DMRT3: variants seen among roughly 807,000 people sequenced by gnomAD.
The protein encoded by DMRT3 is doublesex- and mab-3-related transcription factor 3.
In DMRT3, 29 loss-of-function variants were observed where a neutral mutation model predicts 34.9. The observed-to-expected ratio is 0.83, with a 90% confidence interval of 0.62 to 1.13. DMRT3 has a LOEUF of 1.13. DMRT3 is among the 50% of genes most tolerant of loss of function. The pLI is 0.00. For missense variants in DMRT3, 772 were observed against 629.1 expected, an observed-to-expected ratio of 1.23 and a Z score of -2.43; for synonymous variants, 350 against 286.0, an observed-to-expected ratio of 1.22 and a Z score of -2.26.
intron 1 of DMRT3, among the ~76,000 whole-genome samples, chr9:981,781 G>C (rs1339117077): frequency 6.6e-6 from 1 of 152,264 alleles, no homozygotes; most frequent in African/African-American, 2.4e-5. Flanking sequence ...CCTTGCACCA[G>C]GGGGTCGGAG....
rs970730599 is a variant in DMRT3 at position 991,126 on chromosome 9, T to G, written c.*121T>G. ...TTCTGTTTGACAAAGTGACTGTGCT[T>G]GATTCTATACATTAGCAATAAAAAC... On this transcript the variant is annotated 3_prime_UTR_variant, in exon 2 of 2. Transcript: ENST00000190165. 1.9e-5 allele frequency: 25 copies of G among 1,310,488 alleles called. No homozygotes were observed. The African/African-American group carries it at 3.1e-4, about 16-fold the overall frequency. 81.2% of individuals were successfully genotyped at this position (1,310,488 alleles called of 1,614,324 possible).
chr9:978,590 G>A (rs1210608942), intron 1 of DMRT3, among the ~76,000 whole-genome samples: 1 of 152,174 alleles, frequency 6.6e-6, no homozygotes, highest in Non-Finnish European at 1.5e-5. Flanking sequence ...AGGCTTTCAG[G>A]AGCCCAGGAC....
At chr9:986,890 C>CAGA (rs1554604462) in intron 1 of DMRT3, among the ~76,000 whole-genome samples, 1 of 138,760 alleles carries the variant, frequency 7.2e-6, no homozygotes, top group African/African-American at 2.7e-5. Flanking sequence ...GACTCTGTCT[C>CAGA]AAAAAAAAAA....
At position 990,368 on chromosome 9, in the gene DMRT3, A is replaced by C. The variant is rs7854621; in HGVS notation, c.782A>C (p.Asn261Thr). 4.4e-3 allele frequency: 7,179 copies of C among 1,613,790 alleles called. 271 individuals are homozygous for C. The African/African-American group carries it at 0.085, about 19-fold the overall frequency. ...PLEVLKKIFP[N>T]QKPTVLELIL... ...GAAGTGTTAAAAAAGATATTCCCCAACCAGAAGCCAACGGTGCTTGAGCTC... is the reference window on the plus strand; with the variant it reads ...GAAGTGTTAAAAAAGATATTCCCCACCCAGAAGCCAACGGTGCTTGAGCTC... The change falls in exon 2 of 2, where the codon AAC becomes ACC. Residue 261 changes from asparagine (N) to threonine (T), a missense_variant. Asn to Thr is a moderately conservative substitution (Grantham distance 65). Transcript: ENST00000190165.
At chr9:982,117 C>G (rs1364956670) in intron 1 of DMRT3, among the ~76,000 whole-genome samples, 2 of 152,204 alleles carry the variant, frequency 1.3e-5, no homozygotes, top group Admixed American at 6.5e-5. Context: ...AACTGGACAT[C>G]CTGTTATTTT....
intron 1 of DMRT3, among the ~76,000 whole-genome samples, chr9:981,803 C>T (rs973663405): frequency 6.6e-6 from 1 of 152,142 alleles, no homozygotes; most frequent in African/African-American, 2.4e-5. Context: ...TGCAGCTGAG[C>T]CCAGCTTCTC....
At chr9:981,099 G>T (rs1485712739) in intron 1 of DMRT3, among the ~76,000 whole-genome samples, 1 of 152,100 alleles carries the variant, frequency 6.6e-6, no homozygotes, top group Non-Finnish European at 1.5e-5. Flanking sequence ...TTCTTAGGGG[G>T]TGGGGGCGGA....
rs989078921 is a variant in DMRT3, at chr9:984,053, C to G, written c.455-5988C>G. On this transcript the variant is annotated intron_variant, in intron 1 of 1. Coordinates refer to ENST00000190165, the MANE Select transcript of DMRT3 (RefSeq NM_021240.4). Reference sequence around the variant, plus strand: ...ATTTTTTTAAAATAATTCATCACTTCTAGTGTGAGATGAAGGTAAGAGAAA... The same window carrying G: ...ATTTTTTTAAAATAATTCATCACTTGTAGTGTGAGATGAAGGTAAGAGAAA... Among the ~76,000 whole-genome samples the G allele has an allele frequency of 3.3e-4, 50 of 151,990 alleles. 1 individual carries two copies. The highest frequency in any genetic ancestry group is 2.2e-4 in the Non-Finnish European group (15 of 68,006).
Position 977,385 on chromosome 9 carries a change from C to G in DMRT3, c.384C>G (p.Ala128=). The G allele has an allele frequency of 8.1e-7, 1 of 1,233,038 alleles. No homozygotes were observed. The highest frequency in any genetic ancestry group is 1.0e-6 in the Non-Finnish European group (1 of 989,308). The allele number at this position is 1,233,038 out of a possible 1,614,324, so 76.4% of individuals were successfully genotyped here. Residue 128 remains alanine (A), a synonymous_variant, in exon 1 of 2, where the codon GCC becomes GCG. Transcript: ENST00000190165. The part of the protein sequence containing the change: ...PQPPRPAAEL[A]AAAALRWTAE... Reference sequence around the variant, plus strand: ...CGCCGCGCCCTGCTGCCGAGTTGGCCGCGGCCGCCGCGCTGCGTTGGACTG... The same window carrying G: ...CGCCGCGCCCTGCTGCCGAGTTGGCGGCGGCCGCCGCGCTGCGTTGGACTG...
chr9:988,948 C>A (rs925112545), intron 1 of DMRT3, among the ~76,000 whole-genome samples: 8 of 152,204 alleles, frequency 5.3e-5, no homozygotes, highest in African/African-American at 1.9e-4. Flanking sequence ...TACTGCAAAG[C>A]AAACCACTCT....
Sources: gnomAD v4.1 joint callset for allele counts (sites outside exome capture counted in the v4.1 genomes callset) on GRCh38, gnomAD v4.1.1 for gene constraint, MANE v1.5 for transcripts, NCBI Gene and HGNC (gene_info 2026-07-23, HGNC 2026-07-21) for gene names.